The following SRFBP1 variants were observed in gnomAD, a reference collection of about 807,000 sequenced individuals.
SRFBP1 encodes serum response factor binding protein 1, also known as serum response factor-binding protein 1.
SRFBP1 carries 47 observed loss-of-function variants against 45.5 expected under a neutral mutation model. That is an observed-to-expected ratio of 1.03 (90% CI 0.82 to 1.32). SRFBP1 has a LOEUF of 1.32. SRFBP1 is among the 40% of genes most tolerant of loss of function. SRFBP1 has a pLI of 0.00. For missense variants in SRFBP1, 621 were observed against 484.6 expected (o/e 1.28, Z -2.64); for synonymous variants, 203 against 166.3 (o/e 1.22, Z -1.70).
intron 3 of SRFBP1, among the ~76,000 whole-genome samples, chr5:121,979,381 G>A (rs1398531278): frequency 1.3e-5 from 2 of 152,096 alleles, no homozygotes; most frequent in Non-Finnish European, 2.9e-5. Flanking sequence ...TGTGACTTTG[G>A]TAAGTTTTTT....
intron 2 of SRFBP1, among the ~76,000 whole-genome samples, chr5:122,048,862 G>A (rs1192173876): frequency 1.3e-5 from 2 of 152,162 alleles, no homozygotes; most frequent in Non-Finnish European, 2.9e-5. Context: ...TCTGATGGTA[G>A]TTTGTCTTTC....
intron 2 of SRFBP1, among the ~76,000 whole-genome samples, chr5:122,061,504 T>A (rs1246709482): frequency 6.6e-6 from 1 of 152,048 alleles, no homozygotes; most frequent in African/African-American, 2.4e-5. Context: ...TCCTTCCAAG[T>A]CATTTATTTC....
intron 2 of SRFBP1, among the ~76,000 whole-genome samples, chr5:122,071,208 TG>T (rs1754442086): frequency 6.6e-6 from 1 of 151,942 alleles, no homozygotes; most frequent in African/African-American, 2.4e-5. Context: ...TGTGTGTGTG[TG>T]TGTGTGTGTG....
chr5:122,002,264 G>A (rs527758297), intron 4 of SRFBP1, among the ~76,000 whole-genome samples: 6 of 152,242 alleles, frequency 3.9e-5, no homozygotes, highest in African/African-American at 1.4e-4. Flanking sequence ...GTAAATCCAT[G>A]TCTTCTTAAG....
intron 2 of SRFBP1, among the ~76,000 whole-genome samples, chr5:122,043,962 C>T (rs951537184): frequency 1.3e-5 from 2 of 152,050 alleles, no homozygotes; most frequent in African/African-American, 2.4e-5. Flanking sequence ...CCTGGTAATG[C>T]GCATGATACC....
intron 1 of SRFBP1, among the ~76,000 whole-genome samples, chr5:121,963,302 C>G (rs774515972): frequency 1.3e-5 from 2 of 152,130 alleles, no homozygotes; most frequent in Non-Finnish European, 2.9e-5. Context: ...ACAGGATATG[C>G]TGAAGAGGGA....
chr5:122,054,545 A>G (rs989255604), intron 2 of SRFBP1, among the ~76,000 whole-genome samples: 4 of 152,146 alleles, frequency 2.6e-5, no homozygotes, highest in African/African-American at 4.8e-5. Context: ...CTTGAAAGAC[A>G]CTGTAACTGT....
At chr5:121,985,825 G>A (rs903563224) in intron 3 of SRFBP1, among the ~76,000 whole-genome samples, 4 of 151,676 alleles carry the variant, frequency 2.6e-5, no homozygotes, top group South Asian at 2.1e-4. Context: ...TGGGGGATTC[G>A]GGTAGACAAC....
chr5:122,058,986 G>A (rs561366286), intron 2 of SRFBP1, among the ~76,000 whole-genome samples: 2 of 152,278 alleles, frequency 1.3e-5, no homozygotes, highest in Non-Finnish European at 2.9e-5. Flanking sequence ...CCAACATTGA[G>A]GTTAAAGCGT....
chr5:122,005,833 A>G (rs1164516206), intron 4 of SRFBP1, among the ~76,000 whole-genome samples: 1 of 152,110 alleles, frequency 6.6e-6, no homozygotes, highest in Non-Finnish European at 1.5e-5. Flanking sequence ...TCCTGCATTT[A>G]GGTGTTATAA....
chr5:122,005,389 A>T (rs1472436795), intron 4 of SRFBP1, among the ~76,000 whole-genome samples: 2 of 152,004 alleles, frequency 1.3e-5, no homozygotes, highest in Admixed American at 6.5e-5. Context: ...CCCTTTATCT[A>T]TATAGTGACT....
chr5:122,073,946 T>C (rs1754532725), intron 2 of SRFBP1: 2 of 1,424,832 alleles, frequency 1.4e-6, no homozygotes, highest in Non-Finnish European at 2.0e-6. Flanking sequence ...TATTTAATGC[T>C]AACTAACGGT....
chr5:122,065,953 T>G (rs1580555124), intron 2 of SRFBP1: 2 of 151,974 alleles, frequency 1.3e-5, no homozygotes, highest in African/African-American at 4.8e-5. Context: ...CCAAGAATGG[T>G]GATATTAAGA....
intron 2 of SRFBP1, chr5:122,066,519 A>T: frequency 2.2e-6 from 1 of 459,994 alleles, no homozygotes; most frequent in Non-Finnish European, 4.0e-6. Context: ...GTTAATTCAC[A>T]AAGTGATGTA....
At position 122,027,024 on chromosome 5, in the gene SRFBP1, G is replaced by A; in HGVS notation, c.1188G>A (p.Leu396=). 6.2e-7 allele frequency: 1 copy of A among 1,612,428 alleles called. No individual in the cohort carries two copies. The highest frequency in any genetic ancestry group is 1.7e-4 in the Middle Eastern group (1 of 6,056). The part of the protein sequence containing the change: ...SGRLENTKQQ[L]QLPLHPSWEA... Reference sequence around the variant, plus strand: ...GACTTGAAAATACAAAACAGCAATTGCAGCTGCCTCTTCATCCTTCATGGG... The same window carrying A: ...GACTTGAAAATACAAAACAGCAATTACAGCTGCCTCTTCATCCTTCATGGG... The change falls in exon 8 of 8, where the codon TTG becomes TTA. Residue 396 remains leucine (L), a synonymous_variant. Transcript: ENST00000339397.
intron 4 of SRFBP1, among the ~76,000 whole-genome samples, chr5:121,999,061 A>G (rs918468371): frequency 8.5e-5 from 13 of 152,088 alleles, no homozygotes; most frequent in African/African-American, 3.1e-4. Flanking sequence ...CTGGTTTCTT[A>G]ATGTGGAAGC....
At chr5:122,059,203 C>G (rs1185619270) in intron 2 of SRFBP1, among the ~76,000 whole-genome samples, 14 of 152,076 alleles carry the variant, frequency 9.2e-5, no homozygotes. Context: ...TCCTGACAAG[C>G]CTTCTCAAAC....
chr5:122,014,704 G>T (rs1195221247), intron 4 of SRFBP1, among the ~76,000 whole-genome samples: 1 of 152,052 alleles, frequency 6.6e-6, no homozygotes, highest in Non-Finnish European at 1.5e-5. Context: ...TATCTTCCAG[G>T]GCAGAGAAAC....
chr5:122,052,437 CT>C (rs910908450), intron 2 of SRFBP1, among the ~76,000 whole-genome samples: 3 of 152,022 alleles, frequency 2.0e-5, no homozygotes, highest in African/African-American at 7.2e-5. Context: ...GGAGGTTTTG[CT>C]TTTTACTTTT....
Sources: gnomAD v4.1 joint callset for allele counts (sites outside exome capture counted in the v4.1 genomes callset) on GRCh38, gnomAD v4.1.1 for gene constraint, MANE v1.5 for transcripts, NCBI Gene and HGNC (gene_info 2026-07-23, HGNC 2026-07-21) for gene names.